XRN1: variants seen among roughly 807,000 people sequenced by gnomAD.
The protein encoded by XRN1 is 5'-3' exoribonuclease 1, also known as strand-exchange protein 1 homolog.
Under a neutral mutation model 222.3 loss-of-function variants are expected in XRN1, and 67 were observed. The ratio of observed to expected loss-of-function variants is 0.30; its 90% confidence interval spans 0.25 to 0.37. The LOEUF (loss-of-function observed/expected upper bound fraction) is 0.37. XRN1 is among the 10% of genes least tolerant of loss of function. The pLI, the probability that XRN1 is intolerant of heterozygous loss-of-function variation, is 1.00. For synonymous variants in XRN1, 643 were observed against 652.4 expected (o/e 0.99, Z 0.22); for missense variants, 1,707 against 2,000.2 (o/e 0.85, Z 2.80).
At position 142,414,237 on chromosome 3, in the gene XRN1, T is replaced by C. The variant is rs1204020997; in HGVS notation, c.1491A>G (p.Thr497=). 3 of 1,613,844 alleles carry C rather than the reference T, an allele frequency of 1.9e-6. No homozygotes were observed. The highest frequency in any genetic ancestry group is 2.2e-5 in the South Asian group (2 of 91,058). Residue 497 remains threonine (T), a synonymous_variant, in exon 14 of 41, where the codon ACA becomes ACG. Transcript: ENST00000392981. ...TTCCTAGTTCAAAATGGATTTTGAG[T>C]GTACTGATGTTGTGTATATCAGACA... ...PFLSDIHNIS[T]LKIHFELGKP...
At chr3:142,376,008 T>C (rs940488317) in intron 24 of XRN1, 64 bp from the exon 25 acceptor site, 8 of 1,310,280 alleles carry the variant, frequency 6.1e-6, no homozygotes, top group Non-Finnish European at 8.1e-6. Flanking sequence ...ACACGAGTTT[T>C]AAAATGTCGT....
intron 2 of XRN1, among the ~76,000 whole-genome samples, chr3:142,429,204 G>C (rs1042813218): frequency 5.6e-5 from 8 of 143,750 alleles, no homozygotes; most frequent in African/African-American, 1.8e-4. Context: ...CTGGAGTGCA[G>C]TGGTGTGATC....
chr3:142,369,272 A>G (rs953061304), intron 27 of XRN1, among the ~76,000 whole-genome samples: 30 of 152,236 alleles, frequency 2.0e-4, no homozygotes, highest in African/African-American at 7.0e-4. Flanking sequence ...CTACTCCTTA[A>G]AAGAAAGCGA....
At chr3:142,382,759 A>G (rs753640432) in intron 22 of XRN1, among the ~76,000 whole-genome samples, 2 of 152,170 alleles carry the variant, frequency 1.3e-5, no homozygotes, top group African/African-American at 2.4e-5. Flanking sequence ...AGCTAGAAAC[A>G]TATGCATACG....
chr3:142,374,107 T>C (rs1484312764), intron 25 of XRN1, among the ~76,000 whole-genome samples: 1 of 152,186 alleles, frequency 6.6e-6, no homozygotes, highest in Non-Finnish European at 1.5e-5. Flanking sequence ...ACATGCAAGT[T>C]TTCTCAGGAA....
intron 33 of XRN1, among the ~76,000 whole-genome samples, chr3:142,345,581 G>A (rs961730517): frequency 1.3e-5 from 2 of 152,054 alleles, no homozygotes; most frequent in Non-Finnish European, 2.9e-5. Flanking sequence ...TAAAACTTTC[G>A]TGTTTCAATA....
At position 142,434,458 on chromosome 3, in the gene XRN1, C is replaced by T. The variant is rs946842901; in HGVS notation, c.76-1565G>A. 1.0e-3 allele frequency among the ~76,000 whole-genome samples: 158 copies of T among 151,710 alleles called. 1 individual carries two copies. The highest frequency in any genetic ancestry group is 3.6e-3 in the African/African-American group (149 of 41,320). On this transcript the variant is annotated intron_variant, in intron 1 of 40. Transcript: ENST00000392981. ...GTGATGGAATTACTACAGGTGTGAGCCACTGCGCCTGGCCTCAGCATCAAC... is the reference window on the plus strand; with the variant it reads ...GTGATGGAATTACTACAGGTGTGAGTCACTGCGCCTGGCCTCAGCATCAAC...
At chr3:142,372,755 G>C (rs2067025267) in intron 25 of XRN1, among the ~76,000 whole-genome samples, 1 of 152,162 alleles carries the variant, frequency 6.6e-6, no homozygotes, top group East Asian at 1.9e-4. Flanking sequence ...GTATCCACTT[G>C]GTAATGAAAC....
Position 142,403,666 on chromosome 3 carries a change from A to G in XRN1, c.2103+8T>C, listed in dbSNP as rs769859467. On this transcript the variant is annotated splice_region_variant and intron_variant, in intron 18 of 40. Transcript: ENST00000392981. ...ATCTAATAAATGAATGATAAATAAA[A>G]TACTTACAAGTTCATCTGATTCTGC... 2.5e-6 allele frequency: 4 copies of G among 1,609,520 alleles called. No homozygotes were observed. Among genetic ancestry groups the G allele is most frequent in the Non-Finnish European group, 3.4e-6 (4 of 1,176,554 alleles).
At chr3:142,380,202 A>G in intron 22 of XRN1, 22 bp from the exon 23 acceptor site, 12 of 1,576,912 alleles carry the variant, frequency 7.6e-6, no homozygotes, top group Non-Finnish European at 1.0e-5. Flanking sequence ...AAAAAATCAC[A>G]GTATAGTCTC....
intron 37 of XRN1, among the ~76,000 whole-genome samples, chr3:142,328,388 T>G (rs1026718844): frequency 6.6e-6 from 1 of 152,128 alleles, no homozygotes; most frequent in Non-Finnish European, 1.5e-5. Flanking sequence ...ATTTCTTCAT[T>G]GACCCAAGGG....
At chr3:142,360,038 T>C (rs1213775204) in intron 29 of XRN1, 107 bp from the exon 30 acceptor site, 2 of 619,304 alleles carry the variant, frequency 3.2e-6, no homozygotes, top group South Asian at 2.6e-5. Flanking sequence ...ATTCTAGATA[T>C]GATATAAAAT....
chr3:142,347,021 T>A (rs2066163571), intron 33 of XRN1, among the ~76,000 whole-genome samples: 1 of 152,192 alleles, frequency 6.6e-6, no homozygotes, highest in African/African-American at 2.4e-5. Flanking sequence ...TGACTGCTAA[T>A]AGGTATGGTG....
intron 30 of XRN1, among the ~76,000 whole-genome samples, chr3:142,358,657 G>A (rs1237164275): frequency 1.3e-5 from 2 of 152,246 alleles, no homozygotes; most frequent in East Asian, 3.9e-4. Context: ...TGAATCAAAG[G>A]TATTGGTAAT....
At chr3:142,395,852 C>T (rs7643377) in intron 20 of XRN1, among the ~76,000 whole-genome samples, 57,236 of 152,042 alleles carry the variant, frequency 0.38, 10,797 homozygotes, top group Middle Eastern at 0.47. Context: ...TTTCCTCCTG[C>T]CACAGGGCTT....
chr3:142,367,530 C>G (rs746651029), intron 27 of XRN1, among the ~76,000 whole-genome samples: 1 of 151,886 alleles, frequency 6.6e-6, no homozygotes, highest in African/African-American at 2.4e-5. Context: ...CATGTTCCAA[C>G]AAGAAAACTG....
intron 27 of XRN1, 47 bp from the exon 28 acceptor site, chr3:142,365,413 TA>T: frequency 7.2e-7 from 1 of 1,384,144 alleles, no homozygotes; most frequent in Non-Finnish European, 9.7e-7. Flanking sequence ...TATAAAATTA[TA>T]AAATCACTAC....
At chr3:142,358,128 A>G (rs934430844) in intron 30 of XRN1, among the ~76,000 whole-genome samples, 1 of 152,192 alleles carries the variant, frequency 6.6e-6, no homozygotes, top group African/African-American at 2.4e-5. Flanking sequence ...GCTCAGGAGC[A>G]TGGAACCATT....
intron 29 of XRN1, among the ~76,000 whole-genome samples, chr3:142,361,968 T>A (rs1238565847): frequency 1.2e-4 from 15 of 130,156 alleles, no homozygotes; most frequent in Non-Finnish European, 1.7e-4. Context: ...TCTCTCTTTT[T>A]TTTTTTTTTT....
Sources: gnomAD v4.1 joint callset for allele counts (sites outside exome capture counted in the v4.1 genomes callset) on GRCh38, gnomAD v4.1.1 for gene constraint, MANE v1.5 for transcripts, NCBI Gene and HGNC (gene_info 2026-07-23, HGNC 2026-07-21) for gene names.